The following STON2 variants were observed in gnomAD, a reference collection of about 807,000 sequenced individuals.
STON2 encodes the protein stonin 2.
STON2 carries 29 observed loss-of-function variants against 65.7 expected under a neutral mutation model. The ratio of observed to expected loss-of-function variants is 0.44; its 90% CI spans 0.33 to 0.60. The LOEUF is 0.60. Among genes scored for constraint, STON2 ranks in the 20% least tolerant of loss-of-function variants. STON2 has a pLI of 0.03. For synonymous variants in STON2, 404 were observed against 414.2 expected (o/e 0.98, Z 0.30); for missense variants, 1,054 against 1,118.1 (o/e 0.94, Z 0.82).
intron 3 of STON2, among the ~76,000 whole-genome samples, chr14:81,380,515 A>T (rs1899463066): frequency 6.6e-6 from 1 of 152,112 alleles, no homozygotes; most frequent in South Asian, 2.1e-4. Flanking sequence ...ATAACAACAC[A>T]TGCACACATA....
chr14:81,415,271 G>C (rs1316786433), intron 2 of STON2, among the ~76,000 whole-genome samples: 1 of 151,972 alleles, frequency 6.6e-6, no homozygotes, highest in Non-Finnish European at 1.5e-5. Context: ...AATAACACCA[G>C]CATTTCAGAG....
intron 4 of STON2, among the ~76,000 whole-genome samples, chr14:81,347,902 C>CAAAAAAAAAA (rs755109204): frequency 1.1e-3 from 56 of 51,488 alleles, no homozygotes; most frequent in East Asian, 1.8e-3. Flanking sequence ...TGTCTCTTAC[C>CAAAAAAAAAA]AAAAAAAAAA....
chr14:81,277,418 G>A lies in STON2; in HGVS notation c.2064C>T (p.Ile688=), dbSNP rs888423829. ...TCCACTTTGTGGTGGTGGTGGGCAT[G>A]ATGTCCTGCCTCAAAACTATTTCAT... ...KGNEIVLRQD[I]MPTTTTKWIK... Residue 688 remains isoleucine (I), a synonymous_variant, in exon 6 of 8, where the codon ATC becomes ATT. Coordinates refer to ENST00000614646, the MANE Select transcript of STON2 (RefSeq NM_001394390.1). 1 of 1,614,182 alleles carries A rather than the reference G, an allele frequency of 6.2e-7. No individual in the cohort carries two copies. The highest frequency in any genetic ancestry group is 8.5e-7 in the Non-Finnish European group (1 of 1,180,042).
chr14:81,311,732 C>T (rs80220360), intron 5 of STON2, among the ~76,000 whole-genome samples: 12,947 of 152,184 alleles, frequency 0.085, 672 homozygotes, highest in East Asian at 0.17. Context: ...TTATTTATTT[C>T]CCACAGGTCT....
At chr14:81,373,043 C>T (rs886916482) in intron 3 of STON2, among the ~76,000 whole-genome samples, 10 of 152,066 alleles carry the variant, frequency 6.6e-5, no homozygotes, top group Admixed American at 5.9e-4. Flanking sequence ...ATGCGAGGTC[C>T]CCTTCCCTGC....
At chr14:81,287,023 G>A (rs1273337513) in intron 5 of STON2, among the ~76,000 whole-genome samples, 2 of 152,134 alleles carry the variant, frequency 1.3e-5, no homozygotes, top group African/African-American at 4.8e-5. Context: ...TTTTTCAACA[G>A]GGAAAATAAG....
At position 81,313,664 on chromosome 14, in the gene STON2, G is replaced by A. The variant is rs1051088710; in HGVS notation, c.742+10353C>T. Among the ~76,000 whole-genome samples the A allele has an allele frequency of 2.0e-5, 3 of 151,898 alleles. No homozygotes were observed. In the East Asian group the frequency reaches 5.8e-4, roughly 29 times the overall value. The stretch of plus-strand genomic sequence containing the variant: ...ACAAAAATTAGCCAGGTATGGTGAC[G>A]GGTGCCTATAATCCCAGCTACTCAG... On this transcript the variant is annotated intron_variant, in intron 5 of 7. Coordinates refer to ENST00000614646, the MANE Select transcript of STON2 (RefSeq NM_001394390.1).
Position 81,266,757 on chromosome 14 carries a change from C to T in STON2, c.*1657G>A, listed in dbSNP as rs2140089708. On this transcript the variant is annotated 3_prime_UTR_variant, in exon 8 of 8. Coordinates refer to ENST00000614646, the MANE Select transcript of STON2 (RefSeq NM_001394390.1). ...TCCATTTCTGTAAGGAAATATTTCT[C>T]TATAAACTACCGTGAAACCAGGTCT... 1.0e-6 allele frequency: 1 copy of T among 985,362 alleles called. No homozygotes were observed. Among genetic ancestry groups the T allele is most frequent in the African/African-American group, 1.7e-5 (1 of 57,326 alleles). 61.0% of individuals were successfully genotyped at this position (985,362 alleles called of 1,614,324 possible).
In STON2 at chr14:81,263,252, A is replaced by G. The variant is rs1894220391; in HGVS notation, c.*5162T>C. 1 of 860,982 alleles carries G rather than the reference A, an allele frequency of 1.2e-6. No individual in the cohort carries two copies. The highest frequency in any genetic ancestry group is 1.8e-5 in the African/African-American group (1 of 54,612). The allele number at this position is 860,982 out of a possible 1,614,324, so 53.3% of individuals were successfully genotyped here. ...GTAAACTTTCTTAAAACATTATGCTATTTTGGCCAGGCGCGGCGGCTCATG... is the reference window on the plus strand; with the variant it reads ...GTAAACTTTCTTAAAACATTATGCTGTTTTGGCCAGGCGCGGCGGCTCATG... On this transcript the variant is annotated 3_prime_UTR_variant, in exon 8 of 8. Coordinates refer to ENST00000614646, the MANE Select transcript of STON2 (RefSeq NM_001394390.1).
intron 5 of STON2, among the ~76,000 whole-genome samples, chr14:81,322,330 G>A (rs181044970): frequency 2.0e-5 from 3 of 152,314 alleles, no homozygotes; most frequent in African/African-American, 7.2e-5. Flanking sequence ...CTGCATGGGC[G>A]ACTTACAGTG....
Position 81,324,681 on chromosome 14 carries a change from G to A in STON2, c.572-494C>T, listed in dbSNP as rs147185621. ...TTCTCAACAGTCTCCCAGTGCCTAT[G>A]GACTTTGCCTTGTCCAAGGGGCACA... On this transcript the variant is annotated intron_variant, in intron 4 of 7. Transcript: ENST00000614646. Among the ~76,000 whole-genome samples the A allele has an allele frequency of 3.8e-3, 586 of 152,300 alleles. 1 individual carries two copies. Among genetic ancestry groups the A allele is most frequent in the African/African-American group, 0.014 (568 of 41,568 alleles).
Position 81,277,040 on chromosome 14 carries a change from C to A in STON2, c.2442G>T (p.Val814=). ...TGGAGCCAAAACTTGCCCCCCGGTT[C>A]ACTTTGGCTTTCAAAGACTTTTCCC... ...VLGEKSLKAK[V]NRGASFGSTS... Residue 814 remains valine, a synonymous_variant, in exon 6 of 8, where the codon GTG becomes GTT. Coordinates refer to ENST00000614646, the MANE Select transcript of STON2 (RefSeq NM_001394390.1). 6.2e-7 allele frequency: 1 copy of A among 1,614,240 alleles called. No homozygotes were observed. Among genetic ancestry groups the A allele is most frequent in the South Asian group, 1.1e-5 (1 of 91,080 alleles).
intron 4 of STON2, among the ~76,000 whole-genome samples, chr14:81,341,351 T>C (rs1391803243): frequency 6.6e-6 from 1 of 152,108 alleles, no homozygotes; most frequent in Non-Finnish European, 1.5e-5. Flanking sequence ...TGGGTGGATA[T>C]GTTTAATTGT....
At chr14:81,270,946 T>C (rs2241622) in intron 6 of STON2, 74 bp from the exon 7 acceptor site, 1,205,227 of 1,541,736 alleles carry the variant, frequency 0.78, 476,385 homozygotes, top group African/African-American at 0.93. Context: ...GGAGCCACTT[T>C]GGTAATAAAG....
Position 81,371,020 on chromosome 14 carries a change from G to T in STON2, c.539C>A (p.Thr180Lys). 1 of 1,613,078 alleles carries T rather than the reference G, an allele frequency of 6.2e-7. No individual in the cohort carries two copies. The highest frequency in any genetic ancestry group is 8.5e-7 in the Non-Finnish European group (1 of 1,179,968). ...GTCAGCCCCAGAAGCCTGGCCACTC[G>T]TCTGCTCCTCAGCATTGATGAGCTG... Reference protein sequence around the residue: ...DLQLINAEEQTSGQASGADST... With the variant: ...DLQLINAEEQKSGQASGADST... Residue 180 changes from threonine to lysine, a missense_variant, in exon 4 of 8, where the codon ACG becomes AAG. Coordinates refer to ENST00000614646, the MANE Select transcript of STON2 (RefSeq NM_001394390.1).
intron 4 of STON2, among the ~76,000 whole-genome samples, chr14:81,350,883 T>C (rs944732044): frequency 3.9e-5 from 6 of 152,176 alleles, no homozygotes; most frequent in African/African-American, 1.4e-4. Flanking sequence ...CATTTTATCT[T>C]TAAAAAGCAT....
At chr14:81,420,220 G>C (rs577566719) in intron 2 of STON2, among the ~76,000 whole-genome samples, 1 of 152,228 alleles carries the variant, frequency 6.6e-6, no homozygotes, top group Non-Finnish European at 1.5e-5. Context: ...CCAGAGACAG[G>C]TAGGGCTAAG....
intron 1 of STON2, among the ~76,000 whole-genome samples, chr14:81,399,734 C>A: frequency 6.6e-6 from 1 of 152,268 alleles, no homozygotes; most frequent in South Asian, 2.1e-4. Context: ...TACTCTAATT[C>A]TTCTATGGAT....
chr14:81,312,178 G>C (rs942859146), intron 5 of STON2, among the ~76,000 whole-genome samples: 5 of 152,278 alleles, frequency 3.3e-5, no homozygotes, highest in Admixed American at 6.5e-5. Flanking sequence ...ATGGTTCTGG[G>C]ATGGATAGAG....
Sources: gnomAD v4.1 joint callset for allele counts (sites outside exome capture counted in the v4.1 genomes callset) on GRCh38, gnomAD v4.1.1 for gene constraint, MANE v1.5 for transcripts, NCBI Gene and HGNC (gene_info 2026-07-23, HGNC 2026-07-21) for gene names.